The following TLE5 variants were observed in gnomAD, a reference collection of about 807,000 sequenced individuals.
TLE5 encodes TLE family member 5.
A neutral mutation model predicts 25.8 loss-of-function variants in TLE5; 7 were observed. That is an observed-to-expected ratio of 0.27 (90% CI 0.15 to 0.51). The LOEUF (loss-of-function observed/expected upper bound fraction) is 0.51. Ranked by LOEUF, TLE5 falls within the 20% of genes least tolerant of loss-of-function variation. The probability of loss-of-function intolerance (pLI) is 0.97; values close to 1 mark genes in which losing one functional copy is unlikely to be tolerated. For missense variants in TLE5, 149 were observed against 250.7 expected, an observed-to-expected ratio of 0.59 and a Z score of 2.74; for synonymous variants, 132 against 110.5, an observed-to-expected ratio of 1.20 and a Z score of -1.22.
chr19:3,057,455 T>TCG, intron 3 of TLE5: 1 of 558,218 alleles, frequency 1.8e-6, no homozygotes, highest in Admixed American at 3.1e-5. Context: ...AGGGCCGGTC[T>TCG]GCAACCCGGC....
At chr19:3,055,988 G>T (rs2145257095) in intron 4 of TLE5, 1 of 524,952 alleles carries the variant, frequency 1.9e-6, no homozygotes, top group African/African-American at 1.9e-5. Flanking sequence ...ACATTCCTCG[G>T]GGGTCGGCCA....
At chr19:3,061,926 G>A (rs1470759611) in intron 1 of TLE5, among the ~76,000 whole-genome samples, 11 of 133,258 alleles carry the variant, frequency 8.3e-5, no homozygotes, top group African/African-American at 2.5e-4. Context: ...CGGCGGGGGG[G>A]CTCGGGGCCC....
chr19:3,062,823 C>T (rs1356537534), upstream of TLE5: 30 of 1,550,028 alleles, frequency 1.9e-5, no homozygotes, highest in Non-Finnish European at 2.3e-5. Context: ...GCTCTGTGAC[C>T]TTGGCTCTGG....
chr19:3,057,549 A>C (rs2090229845), intron 3 of TLE5, 130 bp downstream of exon 3: 2 of 854,840 alleles, frequency 2.3e-6, no homozygotes, highest in Non-Finnish European at 3.8e-6. Context: ...TGAATGGAGA[A>C]CAGGCCCCGA....
At chr19:3,054,303 A>G in intron 5 of TLE5, 109 bp from the exon 6 acceptor site, 1 of 1,032,430 alleles carries the variant, frequency 9.7e-7, no homozygotes, top group Non-Finnish European at 1.5e-6. Flanking sequence ...GTGGGCCATC[A>G]TGTCTGCTCC....
At chr19:3,059,155 C>T (rs917496757) in intron 2 of TLE5, among the ~76,000 whole-genome samples, 7 of 152,014 alleles carry the variant, frequency 4.6e-5, no homozygotes, top group Non-Finnish European at 8.8e-5. Context: ...ATGCTTTGGC[C>T]GCCACCAATT....
chr19:3,061,225 G>C lies in TLE5; in HGVS notation c.60C>G (p.Phe20Leu), dbSNP rs1309614273. The C allele has an allele frequency of 6.2e-7, 1 of 1,613,800 alleles. No individual in the cohort carries two copies. The highest frequency in any genetic ancestry group is 1.1e-5 in the South Asian group (1 of 91,072). The change falls in exon 2 of 7, where the codon TTC becomes TTG. Residue 20 changes from phenylalanine to leucine, a missense_variant. Coordinates refer to ENST00000327141, the MANE Select transcript of TLE5 (RefSeq NM_001130.6). ...GSSHLPQQLK[F>L]TTSDSCDRIK... ...TGCGGTCGCAGGAGTCCGAGGTGGT[G>C]AATTTGAGTTGCTGGGGTAGGTGCG... is the stretch of plus-strand genomic sequence containing the variant.
At chr19:3,062,942 CTG>C, upstream of TLE5, 2 of 853,386 alleles carry the variant, frequency 2.3e-6, no homozygotes, top group Non-Finnish European at 3.7e-6. Flanking sequence ...AGAACGCCTA[CTG>C]TGTGCCAGGC....
In TLE5 at chr19:3,061,146, G is replaced by A. The variant is rs752845589; in HGVS notation, c.125+14C>T. On this transcript the variant is annotated intron_variant, in intron 2 of 6. Coordinates refer to ENST00000327141, the MANE Select transcript of TLE5 (RefSeq NM_001130.6). The stretch of plus-strand genomic sequence containing the variant: ...CATTCTCGGGACGCAGGGACCCCCA[G>A]TCCCCCAGCTCACCTGTGGTACTGA... 1.9e-6 allele frequency: 3 copies of A among 1,602,940 alleles called. No homozygotes were observed. The highest frequency in any genetic ancestry group is 1.7e-6 in the Non-Finnish European group (2 of 1,170,236).
At chr19:3,061,802 C>A (rs1365273586) in intron 1 of TLE5, among the ~76,000 whole-genome samples, 1 of 146,508 alleles carries the variant, frequency 6.8e-6, no homozygotes, top group African/African-American at 2.5e-5. Context: ...AAAGGATCCC[C>A]GGGCTAGAGG....
Position 3,062,051 on chromosome 19 carries a change from G to T in TLE5, c.27+123C>A, listed in dbSNP as rs916551120. On this transcript the variant is annotated intron_variant, in intron 1 of 6. Coordinates refer to ENST00000327141, the MANE Select transcript of TLE5 (RefSeq NM_001130.6). ...GAGGGAAGACAGGGCCGGGGAGTTGGGGGGGGCGCCGGGCCGGAGGCACCG... is the reference window on the plus strand; with the variant it reads ...GAGGGAAGACAGGGCCGGGGAGTTGTGGGGGGCGCCGGGCCGGAGGCACCG... 29 of 256,562 alleles carry T rather than the reference G, an allele frequency of 1.1e-4. 1 individual carries two copies. The South Asian group carries it at 3.9e-3, about 35-fold the overall frequency. The allele number at this position is 256,562 out of a possible 1,614,324, so 15.9% of individuals were successfully genotyped here. A position where few individuals can be genotyped will look rare whatever the true frequency, so the allele number is the denominator to read the frequency against.
At chr19:3,056,178 A>G in intron 4 of TLE5, 134 bp downstream of exon 4, 1 of 558,542 alleles carries the variant, frequency 1.8e-6, no homozygotes, top group Non-Finnish European at 3.1e-6. Context: ...AGGAGGTAAC[A>G]GGATAACCGG....
Position 3,062,388 on chromosome 19 carries a change from C to T in TLE5, c.-188G>A. On this transcript the variant is annotated 5_prime_UTR_variant, in exon 1 of 7. Coordinates refer to ENST00000327141, the MANE Select transcript of TLE5 (RefSeq NM_001130.6). ...CCGCGCGCCCGGCCCCGGCGCGCCC[C>T]GGGCCCCGCTTCCTGCGCGCCCGGC... The T allele has an allele frequency of 1.1e-6, 1 of 948,276 alleles. No individual in the cohort carries two copies. Among genetic ancestry groups the T allele is most frequent in the Non-Finnish European group, 1.2e-6 (1 of 800,356 alleles). 58.7% of individuals were successfully genotyped at this position (948,276 alleles called of 1,614,324 possible).
At chr19:3,054,086 T>TCGGGGGGGGGGGGGCCCCCCCC in intron 6 of TLE5, 34 bp downstream of exon 6, 3 of 1,512,804 alleles carry the variant, frequency 2.0e-6, no homozygotes, top group Non-Finnish European at 2.7e-6. Flanking sequence ...GGCCCACCTG[T>TCGGGGGGGGGGGGGCCCCCCCC]CCCCCGCCCA....
In TLE5 at chr19:3,055,646, C is replaced by T. The variant is rs1273829327; in HGVS notation, c.297+18G>A. ...GCGGGGCCCCCTCACAACCCCTCCC[C>T]AAGGCCCTGGCTCTTACCTCTTGGG... is the stretch of plus-strand genomic sequence containing the variant. On this transcript the variant is annotated intron_variant, in intron 5 of 6. Transcript: ENST00000327141. 6.3e-6 allele frequency: 10 copies of T among 1,579,200 alleles called. No individual in the cohort carries two copies. Among genetic ancestry groups the T allele is most frequent in the Non-Finnish European group, 8.6e-6 (10 of 1,164,808 alleles).
At chr19:3,054,511 G>A (rs144176921) in intron 5 of TLE5, 75 of 488,020 alleles carry the variant, frequency 1.5e-4, no homozygotes, top group African/African-American at 1.4e-3. Flanking sequence ...CCTATCCTAT[G>A]TGCACAGCCA....
At chr19:3,057,538 C>A (rs2090229762) in intron 3 of TLE5, 141 bp downstream of exon 3, 4 of 795,930 alleles carry the variant, frequency 5.0e-6, no homozygotes, top group South Asian at 1.6e-5. Flanking sequence ...CAGGGGCCGG[C>A]TGAATGGAGA....
Position 3,053,547 on chromosome 19 carries a change from T to C in TLE5, c.*272A>G. On this transcript the variant is annotated 3_prime_UTR_variant, in exon 7 of 7. Transcript: ENST00000327141. The stretch of plus-strand genomic sequence containing the variant: ...CTCCCTTGGGACCTGGTCTCCCATC[T>C]GACCCTCCAGGCCTTAGCTTGCCTC... 3 of 539,676 alleles carry C rather than the reference T, an allele frequency of 5.6e-6. No individual in the cohort carries two copies. Among genetic ancestry groups the C allele is most frequent in the Non-Finnish European group, 9.9e-6 (3 of 302,198 alleles). The allele number at this position is 539,676 out of a possible 1,614,324, so 33.4% of individuals were successfully genotyped here. A position where few individuals can be genotyped will look rare whatever the true frequency, so the allele number is the denominator to read the frequency against.
intron 2 of TLE5, among the ~76,000 whole-genome samples, chr19:3,060,326 T>G (rs1476942953): frequency 7.7e-6 from 1 of 130,036 alleles, no homozygotes; most frequent in African/African-American, 3.0e-5. Context: ...CTTTTTTTCT[T>G]TCTTTTTTTT....
Sources: allele counts gnomAD v4.1 joint callset (sites outside exome capture counted in the v4.1 genomes callset), GRCh38; gene constraint gnomAD v4.1.1; transcripts MANE v1.5; gene names NCBI Gene and HGNC (gene_info 2026-07-23, HGNC 2026-07-21).